Variants in FGFR2 observed in about 807,000 individuals in gnomAD.
The protein encoded by FGFR2 is BEK fibroblast growth factor receptor.
FGFR2 carries 19 observed loss-of-function variants against 95.9 expected under a neutral mutation model. The ratio of observed to expected loss-of-function variants is 0.20; its 90% CI spans 0.14 to 0.29. FGFR2 has a LOEUF of 0.29. Ranked by LOEUF, FGFR2 falls within the 10% of genes least tolerant of loss-of-function variation. The probability of loss-of-function intolerance (pLI) is 1.00; values close to 1 mark genes in which losing one functional copy is unlikely to be tolerated. For synonymous variants in FGFR2, 392 were observed against 393.3 expected (o/e 1.00, Z 0.04); for missense variants, 707 against 1,056.9 (o/e 0.67, Z 4.59).
At chr10:121,529,964 G>A (rs183685580) in intron 6 of FGFR2, among the ~76,000 whole-genome samples, 6 of 152,242 alleles carry the variant, frequency 3.9e-5, no homozygotes, top group Admixed American at 1.3e-4. Flanking sequence ...AAGCAATGAG[G>A]CTCCCATTGC....
At chr10:121,564,748 C>G (rs1481750348) in intron 3 of FGFR2, among the ~76,000 whole-genome samples, 169 bp from the exon 4 acceptor site, 1 of 152,166 alleles carries the variant, frequency 6.6e-6, no homozygotes. Flanking sequence ...AATTTTCCCT[C>G]CATGATGACA....
intron 2 of FGFR2, among the ~76,000 whole-genome samples, chr10:121,576,480 T>C (rs992983270): frequency 1.8e-4 from 28 of 152,178 alleles, no homozygotes; most frequent in Non-Finnish European, 3.7e-4. Context: ...GGGAAAACCC[T>C]TTCATCAAAA....
chr10:121,517,848 T>C lies in FGFR2; in HGVS notation c.940-385A>G, dbSNP rs952679016. Among the ~76,000 whole-genome samples, 2 of 149,474 alleles carry C rather than the reference T, an allele frequency of 1.3e-5. No homozygotes were observed. Among genetic ancestry groups the C allele is most frequent in the African/African-American group, 4.9e-5 (2 of 40,418 alleles). The stretch of plus-strand genomic sequence containing the variant: ...GCAGACTCCCACCAAGAGGAAAGGG[T>C]AGTTCTATCTAAATTGCTGTGTTTT... On this transcript the variant is annotated intron_variant, in intron 7 of 17. Transcript: ENST00000358487. The surrounding 1 kb of genome is among the most constrained non-coding windows in gnomAD (Gnocchi z 4.7).
At chr10:121,581,122 CCCA>C (rs1860794547) in intron 2 of FGFR2, among the ~76,000 whole-genome samples, 1 of 152,238 alleles carries the variant, frequency 6.6e-6, no homozygotes, top group Non-Finnish European at 1.5e-5. Context: ...GCTGAAATGA[CCCA>C]CTCAAATACG....
rs1057519799 is a variant in FGFR2, at chr10:121,498,556, C to A, written c.1611G>T (p.Met537Ile). The change falls in exon 12 of 18, where the codon ATG (methionine) becomes ATT (isoleucine). Residue 537 changes from methionine (M) to isoleucine (I), a missense_variant. Transcript: ENST00000358487. Reference protein sequence around the residue: ...DLSDLVSEMEMMKMIGKHKNI... With the variant: ...DLSDLVSEMEIMKMIGKHKNI... ...TCTTGTGTTTCCCAATCATCTTCATCATCTCCATCTCTGACACCAGATCAG... is the reference window on the plus strand; with the variant it reads ...TCTTGTGTTTCCCAATCATCTTCATAATCTCCATCTCTGACACCAGATCAG... 1 of 1,614,100 alleles carries A rather than the reference C, an allele frequency of 6.2e-7. No homozygotes were observed. Among genetic ancestry groups the A allele is most frequent in the Non-Finnish European group, 8.5e-7 (1 of 1,179,968 alleles).
intron 6 of FGFR2, among the ~76,000 whole-genome samples, chr10:121,534,417 T>A (rs7099638): frequency 0.61 from 91,392 of 149,650 alleles, 29,970 homozygotes; most frequent in East Asian, 0.84. Context: ...TTTTTTGAGA[T>A]GGAGTTTCAC....
intron 2 of FGFR2, among the ~76,000 whole-genome samples, chr10:121,576,097 G>A (rs1403570712): frequency 2.0e-5 from 3 of 152,134 alleles, no homozygotes; most frequent in Non-Finnish European, 4.4e-5. Flanking sequence ...TGAGGCAGGA[G>A]AATCGCTTGA....
intron 2 of FGFR2, among the ~76,000 whole-genome samples, chr10:121,588,800 A>AGGACC (rs1862203328): frequency 6.6e-6 from 1 of 152,094 alleles, no homozygotes; most frequent in Admixed American, 6.6e-5. Context: ...AGGAGGTTGG[A>AGGACC]GGACCCCTTC....
At chr10:121,554,338 T>C (rs1855813531) in intron 4 of FGFR2, among the ~76,000 whole-genome samples, 1 of 151,534 alleles carries the variant, frequency 6.6e-6, no homozygotes, top group Non-Finnish European at 1.5e-5. Flanking sequence ...GAAGTCTTTT[T>C]TTTTTTTTTC....
chr10:121,556,240 T>C (rs752703730), intron 4 of FGFR2, among the ~76,000 whole-genome samples: 1 of 152,204 alleles, frequency 6.6e-6, no homozygotes, highest in Non-Finnish European at 1.5e-5. Flanking sequence ...CAGGTATCTA[T>C]GTGCTAGACA....
At chr10:121,519,152 G>A (rs889406876) in intron 7 of FGFR2, among the ~76,000 whole-genome samples, 1 of 152,066 alleles carries the variant, frequency 6.6e-6, no homozygotes, top group African/African-American at 2.4e-5. Flanking sequence ...TTCTTAGCTG[G>A]GTCACCTATG....
intron 2 of FGFR2, among the ~76,000 whole-genome samples, chr10:121,578,491 G>A (rs914779625): frequency 1.3e-5 from 2 of 152,228 alleles, no homozygotes; most frequent in Non-Finnish European, 2.9e-5. Context: ...TGCGTCCCCA[G>A]CCCACTCCAC....
chr10:121,582,060 T>G (rs1861016565), intron 2 of FGFR2, among the ~76,000 whole-genome samples: 1 of 152,094 alleles, frequency 6.6e-6, no homozygotes, highest in Non-Finnish European at 1.5e-5. Context: ...GCCCCCCAAG[T>G]ACCTGGGACT....
At chr10:121,561,389 G>A (rs1329346279) in intron 4 of FGFR2, among the ~76,000 whole-genome samples, 151 of 143,546 alleles carry the variant, frequency 1.1e-3, no homozygotes, top group African/African-American at 3.4e-3. Context: ...GCACCATTGC[G>A]CTCCAGCCTG....
chr10:121,586,965 TG>T (rs1861921665), intron 2 of FGFR2, among the ~76,000 whole-genome samples: 2 of 152,234 alleles, frequency 1.3e-5, no homozygotes, highest in Admixed American at 6.5e-5. Flanking sequence ...ATAACAAAGC[TG>T]GGGGCATCAC....
intron 13 of FGFR2, among the ~76,000 whole-genome samples, chr10:121,492,128 A>G (rs990782632): frequency 2.6e-5 from 4 of 152,184 alleles, no homozygotes; most frequent in Non-Finnish European, 5.9e-5. Context: ...GTGAGCCAAG[A>G]TCACGCCACT....
At chr10:121,594,162 C>A in intron 1 of FGFR2, 195 bp from the exon 2 acceptor site, 1 of 469,424 alleles carries the variant, frequency 2.1e-6, no homozygotes, top group Non-Finnish European at 3.9e-6. Flanking sequence ...ATGTGTGAGG[C>A]TAATCTTTTT....
At chr10:121,504,668 A>G (rs1848048691) in intron 9 of FGFR2, among the ~76,000 whole-genome samples, 1 of 152,186 alleles carries the variant, frequency 6.6e-6, no homozygotes, top group Non-Finnish European at 1.5e-5. Context: ...CAATGGAAAG[A>G]AAATACACCT....
intron 9 of FGFR2, among the ~76,000 whole-genome samples, chr10:121,505,913 C>T (rs376096867): frequency 4.7e-4 from 72 of 152,218 alleles, no homozygotes; most frequent in African/African-American, 1.6e-3. Flanking sequence ...GCATCAGGGC[C>T]GTGTGCTGTG....
Sources: gnomAD v4.1 joint callset for allele counts (sites outside exome capture counted in the v4.1 genomes callset) on GRCh38, gnomAD v4.1.1 for gene constraint, Gnocchi (gnomAD v3.1) non-coding constraint, MANE v1.5 for transcripts, NCBI Gene and HGNC (gene_info 2026-07-23, HGNC 2026-07-21) for gene names.